HS6ST3: variants seen among roughly 807,000 people sequenced by gnomAD.
HS6ST3 encodes the protein heparan-sulfate 6-O-sulfotransferase 3.
In HS6ST3, 12 loss-of-function variants were observed where a neutral mutation model predicts 36.7. That is an observed-to-expected ratio of 0.33 (90% CI 0.21 to 0.53). The LOEUF is 0.53. HS6ST3 is among the 20% of genes least tolerant of loss of function. The pLI is 0.95. For synonymous variants in HS6ST3, 240 were observed against 257.5 expected (o/e 0.93, Z 0.65); for missense variants, 584 against 640.9 (o/e 0.91, Z 0.96).
chr13:96,249,906 C>A (rs1031845139), intron 1 of HS6ST3, among the ~76,000 whole-genome samples: 3 of 151,920 alleles, frequency 2.0e-5, no homozygotes, highest in Non-Finnish European at 4.4e-5. Flanking sequence ...TTCCCAGAGA[C>A]AAAATGTAGA....
At chr13:96,119,438 A>G (rs2053914591) in intron 1 of HS6ST3, among the ~76,000 whole-genome samples, 1 of 152,166 alleles carries the variant, frequency 6.6e-6, no homozygotes, top group Admixed American at 6.5e-5. Context: ...TACTTTGTAA[A>G]TTATGAAGTA....
intron 1 of HS6ST3, among the ~76,000 whole-genome samples, chr13:96,633,239 A>G (rs79910993): frequency 1.8e-3 from 273 of 152,334 alleles, no homozygotes; most frequent in African/African-American, 6.4e-3. Flanking sequence ...TGCATAAAAC[A>G]CAATGGGGAA....
At chr13:96,378,298 A>T (rs891412065) in intron 1 of HS6ST3, among the ~76,000 whole-genome samples, 2 of 152,162 alleles carry the variant, frequency 1.3e-5, no homozygotes, top group African/African-American at 4.8e-5. Context: ...AGTGAATCTA[A>T]AGCAAAGCCC....
chr13:96,237,443 T>C (rs994876016), intron 1 of HS6ST3, among the ~76,000 whole-genome samples: 2 of 152,118 alleles, frequency 1.3e-5, no homozygotes, highest in African/African-American at 4.8e-5. Context: ...TCCACTGGAT[T>C]CTATTCCTGA....
intron 1 of HS6ST3, among the ~76,000 whole-genome samples, chr13:96,617,656 C>A (rs1033829881): frequency 7.9e-5 from 12 of 152,306 alleles, no homozygotes; most frequent in Admixed American, 7.2e-4. Flanking sequence ...AAGAGATGAA[C>A]AGGATGCTAG....
intron 1 of HS6ST3, among the ~76,000 whole-genome samples, chr13:96,490,826 T>A (rs890508941): frequency 6.6e-6 from 1 of 152,358 alleles, no homozygotes; most frequent in African/African-American, 2.4e-5. Context: ...TCTATTATTG[T>A]ATTACCACCG....
chr13:96,795,334 A>C (rs934699047), intron 1 of HS6ST3, among the ~76,000 whole-genome samples: 1 of 152,010 alleles, frequency 6.6e-6, no homozygotes, highest in Non-Finnish European at 1.5e-5. Flanking sequence ...AGGTGCTTGA[A>C]ATATGCTTGA....
chr13:96,474,272 T>C (rs1490355377), intron 1 of HS6ST3, among the ~76,000 whole-genome samples: 1 of 152,176 alleles, frequency 6.6e-6, no homozygotes, highest in Non-Finnish European at 1.5e-5. Context: ...GATGGCAACG[T>C]GTCAGATTTG....
rs148792519 is a variant in HS6ST3, at chr13:96,667,844, G to C, written c.708-164646G>C. On this transcript the variant is annotated intron_variant, in intron 1 of 1. Coordinates refer to ENST00000376705, the MANE Select transcript of HS6ST3 (RefSeq NM_153456.4). ...ATGCCTTCCTCTAGGATGGGGGAAA[G>C]GGGAGTGGAAAAAGCCACCTGCATG... 8.0e-3 allele frequency among the ~76,000 whole-genome samples: 1,212 copies of C among 152,304 alleles called. 16 individuals are homozygous for C. Among genetic ancestry groups the C allele is most frequent in the African/African-American group, 0.027 (1,111 of 41,580 alleles).
chr13:96,802,257 CA>C (rs955452505), intron 1 of HS6ST3, among the ~76,000 whole-genome samples: 1 of 152,004 alleles, frequency 6.6e-6, no homozygotes, highest in African/African-American at 2.4e-5. Flanking sequence ...AGCTGGAAAC[CA>C]GAAGAAAATC....
chr13:96,207,566 A>G (rs1411780412), intron 1 of HS6ST3, among the ~76,000 whole-genome samples: 2 of 152,140 alleles, frequency 1.3e-5, no homozygotes, highest in South Asian at 4.1e-4. Flanking sequence ...TAGCAAAGAC[A>G]TGGAATCAAC....
At chr13:96,581,068 T>C (rs2056340180) in intron 1 of HS6ST3, among the ~76,000 whole-genome samples, 1 of 152,216 alleles carries the variant, frequency 6.6e-6, no homozygotes, top group African/African-American at 2.4e-5. Context: ...TTAATTTCTA[T>C]TTCATACATG....
chr13:96,749,991 T>G (rs1226451659), intron 1 of HS6ST3, among the ~76,000 whole-genome samples: 3 of 152,182 alleles, frequency 2.0e-5, no homozygotes, highest in Admixed American at 6.5e-5. Context: ...AGTGTACTAT[T>G]TGATAATTAA....
chr13:96,788,341 A>T (rs1189185718), intron 1 of HS6ST3, among the ~76,000 whole-genome samples: 1 of 151,886 alleles, frequency 6.6e-6, no homozygotes, highest in African/African-American at 2.4e-5. Flanking sequence ...TGGTATATTC[A>T]CTATATTGAA....
chr13:96,503,292 A>T (rs2056012893), intron 1 of HS6ST3, among the ~76,000 whole-genome samples: 1 of 152,176 alleles, frequency 6.6e-6, no homozygotes, highest in South Asian at 2.1e-4. Flanking sequence ...GTAAATCAAC[A>T]TCTGTTGAGA....
At chr13:96,806,902 T>C (rs1248484256) in intron 1 of HS6ST3, among the ~76,000 whole-genome samples, 3 of 152,196 alleles carry the variant, frequency 2.0e-5, no homozygotes, top group Non-Finnish European at 4.4e-5. Context: ...GACAACTGCC[T>C]GTTAGATCTC....
chr13:96,334,110 C>T (rs939393805), intron 1 of HS6ST3, among the ~76,000 whole-genome samples: 1 of 152,154 alleles, frequency 6.6e-6, no homozygotes, highest in African/African-American at 2.4e-5. Context: ...AAAAGGGGAG[C>T]TGACTGGCTT....
chr13:96,372,953 A>G (rs555532963), intron 1 of HS6ST3, among the ~76,000 whole-genome samples: 1 of 152,266 alleles, frequency 6.6e-6, no homozygotes, highest in East Asian at 1.9e-4. Flanking sequence ...TCTAGAGACC[A>G]CAAATTCAAA....
intron 1 of HS6ST3, among the ~76,000 whole-genome samples, chr13:96,373,661 G>T (rs1258853961): frequency 6.6e-6 from 1 of 152,110 alleles, no homozygotes; most frequent in Non-Finnish European, 1.5e-5. Flanking sequence ...GATTTAAGGA[G>T]ATGTAAGAAG....
Sources: gnomAD v4.1 joint callset for allele counts (sites outside exome capture counted in the v4.1 genomes callset) on GRCh38, gnomAD v4.1.1 for gene constraint, MANE v1.5 for transcripts, NCBI Gene and HGNC (gene_info 2026-07-23, HGNC 2026-07-21) for gene names.